The following ROBO2 variants were observed in gnomAD, a reference collection of about 807,000 sequenced individuals.
ROBO2 encodes roundabout homolog 2.
A neutral mutation model predicts 160.8 loss-of-function variants in ROBO2; 53 were observed. The ratio of observed to expected loss-of-function variants is 0.33; its 90% CI spans 0.26 to 0.41. The LOEUF is 0.41. Among genes scored for constraint, ROBO2 ranks in the 10% least tolerant of loss-of-function variants. ROBO2 has a pLI of 1.00. For missense variants in ROBO2, 1,577 were observed against 1,722.4 expected (o/e 0.92, Z 1.49); for synonymous variants, 664 against 611.7 (o/e 1.09, Z -1.26).
At chr3:76,999,278 G>T (rs2061206680) in intron 2 of ROBO2, among the ~76,000 whole-genome samples, 1 of 151,946 alleles carries the variant, frequency 6.6e-6, no homozygotes, top group Non-Finnish European at 1.5e-5. Context: ...TACAGCCTGG[G>T]TGGTTTAGAA....
intron 2 of ROBO2, among the ~76,000 whole-genome samples, chr3:77,342,535 C>T (rs1433131544): frequency 6.6e-6 from 1 of 152,134 alleles, no homozygotes; most frequent in African/African-American, 2.4e-5. Context: ...TACCTGAAGA[C>T]ATTTTCTATA....
chr3:76,598,739 T>G (rs2086900305), intron 2 of ROBO2, among the ~76,000 whole-genome samples: 1 of 152,062 alleles, frequency 6.6e-6, no homozygotes, highest in African/African-American at 2.4e-5. Context: ...GACTCAAACA[T>G]GTCCAGATGG....
rs565255141 is a variant in ROBO2, at chr3:76,095,914, G to A, written c.109+158312G>A. Among the ~76,000 whole-genome samples the A allele has an allele frequency of 2.6e-5, 4 of 152,194 alleles. No individual in the cohort carries two copies. The South Asian group carries it at 8.3e-4, about 32-fold the overall frequency. ...CTAAGCTAATACATTTGAAGATATTGATGACATTAATAATTTTCTAGAAAA... is the reference window on the plus strand; with the variant it reads ...CTAAGCTAATACATTTGAAGATATTAATGACATTAATAATTTTCTAGAAAA... On this transcript the variant is annotated intron_variant, in intron 2 of 26. Transcript: ENST00000487694.
intron 2 of ROBO2, among the ~76,000 whole-genome samples, chr3:76,980,705 A>G (rs1331381106): frequency 6.6e-6 from 1 of 152,052 alleles, no homozygotes. Context: ...AGATGTGATA[A>G]TTCACATGCC....
intron 2 of ROBO2, among the ~76,000 whole-genome samples, chr3:77,273,678 A>G (rs2059645295): frequency 6.6e-6 from 1 of 152,208 alleles, no homozygotes; most frequent in Admixed American, 6.5e-5. Context: ...ATAAAAGAAG[A>G]CAGACTCAAA....
intron 1 of ROBO2, among the ~76,000 whole-genome samples, chr3:75,919,338 T>C (rs542337708): frequency 7.2e-5 from 11 of 152,326 alleles, no homozygotes; most frequent in African/African-American, 2.4e-4. Flanking sequence ...ATGGATTACA[T>C]TTATTGATTT....
chr3:77,197,933 G>T (rs1460673834), intron 2 of ROBO2, among the ~76,000 whole-genome samples: 1 of 152,138 alleles, frequency 6.6e-6, no homozygotes, highest in Non-Finnish European at 1.5e-5. Flanking sequence ...TGAAGATGGG[G>T]GTGAGGGGGA....
At chr3:76,468,318 TTA>T (rs1256896032) in intron 2 of ROBO2, among the ~76,000 whole-genome samples, 1 of 152,138 alleles carries the variant, frequency 6.6e-6, no homozygotes. Flanking sequence ...AAGCTATACT[TTA>T]TATGGACACT....
chr3:77,351,960 G>A (rs1399602376), intron 2 of ROBO2, among the ~76,000 whole-genome samples: 2 of 151,726 alleles, frequency 1.3e-5, no homozygotes, highest in East Asian at 2.0e-4. Flanking sequence ...AGTGGGGGCA[G>A]GGGGGAGGGT....
At chr3:76,515,795 C>T (rs2081321253) in intron 2 of ROBO2, among the ~76,000 whole-genome samples, 1 of 152,150 alleles carries the variant, frequency 6.6e-6, no homozygotes, top group African/African-American at 2.4e-5. Context: ...TCATTCCCTT[C>T]TCATTCTCAG....
intron 1 of ROBO2, among the ~76,000 whole-genome samples, chr3:77,047,388 A>G (rs2064777303): frequency 1.3e-5 from 2 of 152,190 alleles, no homozygotes; most frequent in Non-Finnish European, 2.9e-5. Flanking sequence ...AGTTTTAAAA[A>G]TATAACGATA....
At chr3:76,057,330 A>T (rs917662650) in intron 2 of ROBO2, among the ~76,000 whole-genome samples, 3 of 152,136 alleles carry the variant, frequency 2.0e-5, no homozygotes, top group Admixed American at 2.0e-4. Flanking sequence ...AATAAGTATG[A>T]TCCTCAGTAC....
chr3:77,561,309 A>G (rs1356602965), intron 9 of ROBO2, among the ~76,000 whole-genome samples: 1 of 152,172 alleles, frequency 6.6e-6, no homozygotes, highest in Non-Finnish European at 1.5e-5. Flanking sequence ...ATCACAGAAT[A>G]TTAATTCTAC....
chr3:77,212,889 A>G (rs1232371953), intron 2 of ROBO2, among the ~76,000 whole-genome samples: 5 of 152,024 alleles, frequency 3.3e-5, no homozygotes, highest in Non-Finnish European at 7.4e-5. Flanking sequence ...ATTGATTTGC[A>G]TATGTTGAAC....
intron 2 of ROBO2, among the ~76,000 whole-genome samples, chr3:76,568,760 C>T (rs1246490664): frequency 2.6e-5 from 4 of 152,094 alleles, no homozygotes; most frequent in African/African-American, 9.7e-5. Flanking sequence ...TCACCAGCCC[C>T]TTTTCTAAAT....
At chr3:76,212,960 A>G (rs1703245535) in intron 2 of ROBO2, among the ~76,000 whole-genome samples, 1 of 151,874 alleles carries the variant, frequency 6.6e-6, no homozygotes, top group African/African-American at 2.4e-5. Flanking sequence ...TCAAGGGTAA[A>G]GGTGAATGCT....
At chr3:76,315,792 C>A (rs367992059) in intron 2 of ROBO2, among the ~76,000 whole-genome samples, 1 of 152,136 alleles carries the variant, frequency 6.6e-6, no homozygotes, top group African/African-American at 2.4e-5. Context: ...GATTTGAACA[C>A]AATGATTTAC....
chr3:77,496,792 A>G (rs926648542), intron 5 of ROBO2, among the ~76,000 whole-genome samples: 2 of 152,112 alleles, frequency 1.3e-5, no homozygotes, highest in Non-Finnish European at 2.9e-5. Flanking sequence ...AAAACCTTCA[A>G]CACAGAAGAA....
chr3:77,444,740 A>C (rs2080291037), intron 2 of ROBO2, among the ~76,000 whole-genome samples: 1 of 152,174 alleles, frequency 6.6e-6, no homozygotes, highest in Non-Finnish European at 1.5e-5. Context: ...CGAAAAGAAC[A>C]CATCTGTTTA....
Sources: gnomAD v4.1 joint callset for allele counts (sites outside exome capture counted in the v4.1 genomes callset) on GRCh38, gnomAD v4.1.1 for gene constraint, MANE v1.5 for transcripts, NCBI Gene and HGNC (gene_info 2026-07-23, HGNC 2026-07-21) for gene names.